The following CDK14 variants were observed in gnomAD, a reference collection of about 807,000 sequenced individuals.
The protein encoded by CDK14 is cyclin-dependent kinase 14.
In CDK14, 34 loss-of-function variants were observed where a neutral mutation model predicts 60.7. The observed-to-expected ratio is 0.56, with a 90% confidence interval of 0.43 to 0.75. CDK14 has a LOEUF of 0.75. CDK14 is among the 30% of genes least tolerant of loss of function. The pLI is 0.00. For missense variants in CDK14, 482 were observed against 564.1 expected (o/e 0.85, Z 1.47); for synonymous variants, 197 against 203.7 (o/e 0.97, Z 0.28).
chr7:91,049,200 G>A (rs697414), intron 11 of CDK14, among the ~76,000 whole-genome samples: 20,373 of 151,960 alleles, frequency 0.13, 1,483 homozygotes, highest in Middle Eastern at 0.17. Context: ...TATATTTAAG[G>A]GAAATTATCC....
At chr7:91,019,426 A>G (rs1019321709) in intron 10 of CDK14, among the ~76,000 whole-genome samples, 1 of 152,230 alleles carries the variant, frequency 6.6e-6, no homozygotes, top group African/African-American at 2.4e-5. Context: ...ACAATAATAC[A>G]TGATTTTAAA....
intron 14 of CDK14, among the ~76,000 whole-genome samples, chr7:91,200,275 A>G (rs1248045842): frequency 6.6e-6 from 1 of 152,200 alleles, no homozygotes; most frequent in East Asian, 1.9e-4. Context: ...ATATACAAAT[A>G]TGTGTGTGTA....
At chr7:91,150,109 G>T (rs144310822) in intron 14 of CDK14, among the ~76,000 whole-genome samples, 4 of 152,134 alleles carry the variant, frequency 2.6e-5, no homozygotes, top group Admixed American at 6.5e-5. Context: ...GGCAGAGTCT[G>T]TTGTGTTCAA....
intron 2 of CDK14, among the ~76,000 whole-genome samples, chr7:90,720,749 A>G (rs1802419279): frequency 6.6e-6 from 1 of 152,058 alleles, no homozygotes; most frequent in Non-Finnish European, 1.5e-5. Context: ...TTATAGATCT[A>G]CTTATTTAGA....
chr7:90,792,211 T>TTC lies in CDK14; in HGVS notation c.544+1559_544+1560insTC, dbSNP rs1043614386. On this transcript the variant is annotated intron_variant, in intron 5 of 14. Coordinates refer to ENST00000380050, the MANE Select transcript of CDK14 (RefSeq NM_001287135.2). Reference sequence around the variant, plus strand: ...CACTGTGCCTGCCTTTTTTTTTTTTTCTTTCTAATAAGCACTCTGTCCTAG... The same window carrying TTC: ...CACTGTGCCTGCCTTTTTTTTTTTTTTCCTTTCTAATAAGCACTCTGTCCTAG... Among the ~76,000 whole-genome samples, 3 of 150,502 alleles carry TTC rather than the reference T, an allele frequency of 2.0e-5. No individual in the cohort carries two copies. In the East Asian group the frequency reaches 5.9e-4, roughly 30 times the overall value.
At chr7:90,882,623 C>G (rs1791801196) in intron 6 of CDK14, among the ~76,000 whole-genome samples, 2 of 152,256 alleles carry the variant, frequency 1.3e-5, no homozygotes, top group Admixed American at 1.3e-4. Context: ...ACTCTCTACC[C>G]CAAATCAACA....
chr7:91,090,423 T>C (rs373829034), intron 12 of CDK14, among the ~76,000 whole-genome samples: 84 of 152,314 alleles, frequency 5.5e-4, no homozygotes, highest in African/African-American at 2.0e-3. Flanking sequence ...GGCTATTGAG[T>C]AATTTAAAAT....
intron 4 of CDK14, among the ~76,000 whole-genome samples, chr7:90,785,344 A>G (rs916256318): frequency 2.0e-5 from 3 of 152,222 alleles, no homozygotes; most frequent in African/African-American, 7.2e-5. Flanking sequence ...CTAATGGAAT[A>G]GAAGACCTTT....
At chr7:90,677,980 C>T (rs1048210800) in intron 2 of CDK14, among the ~76,000 whole-genome samples, 3 of 152,098 alleles carry the variant, frequency 2.0e-5, no homozygotes, top group South Asian at 2.1e-4. Flanking sequence ...GTTGCCTCTT[C>T]GGCAGAGTCA....
At chr7:90,732,019 T>C (rs1055883481) in intron 3 of CDK14, among the ~76,000 whole-genome samples, 4 of 152,222 alleles carry the variant, frequency 2.6e-5, no homozygotes, top group African/African-American at 4.8e-5. Context: ...ATCCCATCAA[T>C]ACCTAGTTTC....
intron 6 of CDK14, among the ~76,000 whole-genome samples, chr7:90,864,691 T>C (rs1158099491): frequency 6.6e-6 from 1 of 152,196 alleles, no homozygotes; most frequent in African/African-American, 2.4e-5. Flanking sequence ...GGGGCTAAAA[T>C]GTACATATTG....
rs1197897771 is a variant in CDK14, at chr7:91,008,150, C to CA, written c.1041+23918dup. On this transcript the variant is annotated intron_variant, in intron 10 of 14. Coordinates refer to ENST00000380050, the MANE Select transcript of CDK14 (RefSeq NM_001287135.2). ...GCCAAAAAAAAAAAAAAAAAACAAA[C>CA]AAAAAAAAACAGTGGATGGTGGAGG... Among the ~76,000 whole-genome samples the CA allele has an allele frequency of 5.5e-4, 49 of 89,566 alleles. 1 individual carries two copies. The highest frequency in any genetic ancestry group is 1.3e-3 in the African/African-American group (31 of 24,200). 58.8% of individuals were successfully genotyped at this position (89,566 alleles called of 152,430 possible).
At chr7:90,824,008 A>T (rs1441059170) in intron 5 of CDK14, among the ~76,000 whole-genome samples, 1 of 152,218 alleles carries the variant, frequency 6.6e-6, no homozygotes, top group Non-Finnish European at 1.5e-5. Context: ...TTTTATGGCC[A>T]TATGTTGGTA....
At chr7:91,009,724 C>T (rs937906732) in intron 10 of CDK14, among the ~76,000 whole-genome samples, 1 of 152,016 alleles carries the variant, frequency 6.6e-6, no homozygotes, top group African/African-American at 2.4e-5. Context: ...GTGCTTTATT[C>T]TGGATGAGAA....
chr7:90,707,955 G>A (rs184591982), intron 2 of CDK14, among the ~76,000 whole-genome samples: 250 of 152,240 alleles, frequency 1.6e-3, no homozygotes, highest in Non-Finnish European at 2.9e-3. Flanking sequence ...ACATTAGCAC[G>A]TTTGCTGAAT....
intron 8 of CDK14, among the ~76,000 whole-genome samples, chr7:90,933,854 A>C (rs1411800533): frequency 1.3e-5 from 2 of 152,360 alleles, no homozygotes; most frequent in Non-Finnish European, 1.5e-5. Flanking sequence ...GTTGATGTTC[A>C]TGTGGACAGC....
intron 5 of CDK14, among the ~76,000 whole-genome samples, chr7:90,841,988 AT>A (rs1790310991): frequency 6.6e-6 from 1 of 152,142 alleles, no homozygotes; most frequent in Admixed American, 6.6e-5. Flanking sequence ...TTTTTAAAAA[AT>A]AATCATAACA....
At chr7:90,894,382 C>T (rs150713581) in intron 6 of CDK14, among the ~76,000 whole-genome samples, 249 of 152,252 alleles carry the variant, frequency 1.6e-3, no homozygotes, top group African/African-American at 5.9e-3. Flanking sequence ...GCTGAGGAAG[C>T]CATGTGTGTA....
intron 10 of CDK14, among the ~76,000 whole-genome samples, chr7:91,017,810 T>C (rs1796339229): frequency 6.6e-6 from 1 of 152,194 alleles, no homozygotes; most frequent in Non-Finnish European, 1.5e-5. Context: ...TGCACAGAGA[T>C]AACAAGCCCT....
Sources: gnomAD v4.1 joint callset for allele counts (sites outside exome capture counted in the v4.1 genomes callset) on GRCh38, gnomAD v4.1.1 for gene constraint, MANE v1.5 for transcripts, NCBI Gene and HGNC (gene_info 2026-07-23, HGNC 2026-07-21) for gene names.